The following PATJ variants were observed in gnomAD, a reference collection of about 807,000 sequenced individuals.
The protein encoded by PATJ is PATJ crumbs cell polarity complex component.
In PATJ, 190 loss-of-function variants were observed where a neutral mutation model predicts 224.9. That is an observed-to-expected ratio of 0.84 (90% CI 0.75 to 0.95). The LOEUF (loss-of-function observed/expected upper bound fraction) is 0.95, where lower values mean the gene tolerates loss of function less well. PATJ is among the 40% of genes least tolerant of loss of function. PATJ has a pLI of 0.00. For synonymous variants in PATJ, 769 were observed against 820.3 expected (o/e 0.94, Z 1.07); for missense variants, 2,121 against 2,270.3 (o/e 0.93, Z 1.34).
chr1:61,815,222 A>C (rs1655863374), intron 14 of PATJ, among the ~76,000 whole-genome samples: 1 of 152,146 alleles, frequency 6.6e-6, no homozygotes, highest in South Asian at 2.1e-4. Flanking sequence ...TGCTGTGGGA[A>C]AGGGCTTGTG....
intron 31 of PATJ, among the ~76,000 whole-genome samples, chr1:62,075,917 CAAAAAAAAAAAAAAA>C (rs1184000549): frequency 1.3e-5 from 1 of 79,892 alleles, no homozygotes; most frequent in South Asian, 3.7e-4. Flanking sequence ...GACTCCGTCT[CAAAAAAAAAAAAAAA>C]GAAAAGAAAA....
intron 3 of PATJ, among the ~76,000 whole-genome samples, chr1:61,764,428 T>A (rs903912526): frequency 6.6e-6 from 1 of 152,080 alleles, no homozygotes; most frequent in Non-Finnish European, 1.5e-5. Flanking sequence ...GGATTTTTTT[T>A]TTTTTTTGGT....
chr1:61,846,544 C>A (rs990786814), intron 17 of PATJ, among the ~76,000 whole-genome samples: 1 of 152,052 alleles, frequency 6.6e-6, no homozygotes, highest in Non-Finnish European at 1.5e-5. Context: ...ACCATCATAA[C>A]TTTTTAAATG....
chr1:61,944,200 G>A (rs1419421831), intron 27 of PATJ, among the ~76,000 whole-genome samples: 1 of 152,202 alleles, frequency 6.6e-6, no homozygotes, highest in Non-Finnish European at 1.5e-5. Flanking sequence ...ACCAGCAACG[G>A]AACAAAGCTG....
chr1:62,082,081 C>T (rs540204671), intron 32 of PATJ, among the ~76,000 whole-genome samples: 2 of 152,088 alleles, frequency 1.3e-5, no homozygotes, highest in Admixed American at 6.5e-5. Context: ...ATAAAGAAGT[C>T]GATAGTAAAT....
chr1:62,123,093 G>C, intron 39 of PATJ, 35 bp downstream of exon 39: 3 of 1,507,124 alleles, frequency 2.0e-6, no homozygotes, highest in Non-Finnish European at 2.8e-6. Context: ...TATTTTTCTG[G>C]TTTGTGTTGG....
At chr1:61,793,722 CAAA>C (rs34149615) in intron 9 of PATJ, among the ~76,000 whole-genome samples, 5 of 73,674 alleles carry the variant, frequency 6.8e-5, no homozygotes, top group Admixed American at 1.5e-4. Flanking sequence ...GATCCTGTTT[CAAA>C]AAAAAAAAAA....
chr1:61,828,953 C>T (rs1658817881), intron 16 of PATJ, among the ~76,000 whole-genome samples: 1 of 152,068 alleles, frequency 6.6e-6, no homozygotes, highest in South Asian at 2.1e-4. Flanking sequence ...TCATACTTAC[C>T]CATCTCATGA....
At chr1:61,871,437 G>GCGTATATATATGTACATATATATGTATA (rs1557792600) in intron 20 of PATJ, among the ~76,000 whole-genome samples, 2 of 107,368 alleles carry the variant, frequency 1.9e-5, no homozygotes, top group African/African-American at 3.5e-5. Context: ...ATATATATGT[G>GCGTATATATATGTACATATATATGTATA]TATATACACA....
chr1:61,874,155 G>A (rs535437849), intron 20 of PATJ, among the ~76,000 whole-genome samples: 28 of 151,756 alleles, frequency 1.8e-4, no homozygotes, highest in Non-Finnish European at 3.4e-4. Flanking sequence ...AGAGTGGAAT[G>A]AGCTCCCTTG....
intron 17 of PATJ, among the ~76,000 whole-genome samples, chr1:61,839,203 G>A (rs894574302): frequency 1.3e-5 from 2 of 151,592 alleles, no homozygotes; most frequent in Non-Finnish European, 2.9e-5. Context: ...CTATTTCCAT[G>A]TGCATTTTAT....
intron 26 of PATJ, among the ~76,000 whole-genome samples, chr1:61,917,823 G>A (rs1002907002): frequency 2.6e-5 from 4 of 152,114 alleles, no homozygotes; most frequent in Admixed American, 6.6e-5. Flanking sequence ...GGAGGCCAAC[G>A]TGGGCGAATC....
intron 27 of PATJ, among the ~76,000 whole-genome samples, chr1:61,984,157 TA>T (rs1422948313): frequency 1.5e-5 from 2 of 137,018 alleles, no homozygotes; most frequent in African/African-American, 2.9e-5. Context: ...CAATTATTAT[TA>T]TTATTATTTT....
chr1:62,136,709 TGTGTTGTTTTTTTGAGACAGG>T (rs1666940241), intron 41 of PATJ, among the ~76,000 whole-genome samples: 1 of 150,868 alleles, frequency 6.6e-6, no homozygotes, highest in Non-Finnish European at 1.5e-5. Context: ...GTGTGTGTGG[TGTGTTGTTTTTTTGAGACAGG>T]GTCTCACTCT....
At chr1:62,106,204 T>G (rs1420901877) in intron 33 of PATJ, among the ~76,000 whole-genome samples, 1 of 86,014 alleles carries the variant, frequency 1.2e-5, no homozygotes, top group Non-Finnish European at 2.6e-5. Context: ...GCACAGCGGC[T>G]CATACCTGTA....
chr1:61,956,014 T>G (rs1680398753), intron 27 of PATJ, among the ~76,000 whole-genome samples: 1 of 152,200 alleles, frequency 6.6e-6, no homozygotes, highest in Admixed American at 6.5e-5. Context: ...CATTTTAATA[T>G]TGAAAGTTCC....
At chr1:61,862,901 T>A (rs1664831755) in intron 19 of PATJ, among the ~76,000 whole-genome samples, 2 of 152,086 alleles carry the variant, frequency 1.3e-5, no homozygotes, top group African/African-American at 4.8e-5. Context: ...AGATGATATA[T>A]GTTTCTATGA....
chr1:62,083,857 T>C (rs1659597705), intron 32 of PATJ, among the ~76,000 whole-genome samples: 1 of 152,226 alleles, frequency 6.6e-6, no homozygotes, highest in Non-Finnish European at 1.5e-5. Flanking sequence ...CAGAATCTCC[T>C]GTTATACCAG....
chr1:61,996,720 G>T (rs1021279639), intron 28 of PATJ, among the ~76,000 whole-genome samples: 1 of 145,636 alleles, frequency 6.9e-6, no homozygotes, highest in African/African-American at 2.6e-5. Context: ...ATAGAGATAG[G>T]TTCTTTTTTT....
Sources: gnomAD v4.1 joint callset for allele counts (sites outside exome capture counted in the v4.1 genomes callset) on GRCh38, gnomAD v4.1.1 for gene constraint, MANE v1.5 for transcripts, NCBI Gene and HGNC (gene_info 2026-07-23, HGNC 2026-07-21) for gene names.